The following EYS variants were observed in gnomAD, a reference collection of about 807,000 sequenced individuals.
The protein encoded by EYS is EGF-like photoreceptor maintenance factor, also known as protein eyes shut homolog.
A neutral mutation model predicts 282.1 loss-of-function variants in EYS; 250 were observed. The ratio of observed to expected loss-of-function variants is 0.89; its 90% CI spans 0.80 to 0.98. The LOEUF is 0.98. Ranked by LOEUF, EYS falls within the 50% of genes least tolerant of loss-of-function variation. The pLI is 0.00. For synonymous variants in EYS, 1,355 were observed against 1,282.9 expected, an observed-to-expected ratio of 1.06 and a Z score of -1.20; for missense variants, 4,016 against 3,709.0, an observed-to-expected ratio of 1.08 and a Z score of -2.15.
At chr6:64,902,248 A>G (rs1041535789) in intron 17 of EYS, 28 bp from the exon 18 acceptor site, 3 of 1,450,656 alleles carry the variant, frequency 2.1e-6, no homozygotes, top group African/African-American at 1.4e-5. Flanking sequence ...TAGTAACTCC[A>G]TTAGTATATA....
intron 1 of EYS, among the ~76,000 whole-genome samples, chr6:65,700,052 T>A (rs1769608764): frequency 7.2e-6 from 1 of 138,830 alleles, no homozygotes; most frequent in Non-Finnish European, 1.5e-5. Flanking sequence ...GAGGCAGAGC[T>A]TGCAGTGAGC....
At chr6:63,997,883 AG>A (rs1468750497) in intron 34 of EYS, among the ~76,000 whole-genome samples, 1 of 152,204 alleles carries the variant, frequency 6.6e-6, no homozygotes, top group Non-Finnish European at 1.5e-5. Flanking sequence ...GGCAACTATA[AG>A]GAGTTAATAA....
chr6:65,703,233 A>C (rs77751394), intron 1 of EYS, among the ~76,000 whole-genome samples: 2,201 of 152,166 alleles, frequency 0.014, 46 homozygotes, highest in East Asian at 0.053. Context: ...TACTCTCTCT[A>C]TATATATGTA....
chr6:64,668,345 T>A (rs988065462), intron 22 of EYS, among the ~76,000 whole-genome samples: 5 of 152,102 alleles, frequency 3.3e-5, no homozygotes, highest in Admixed American at 3.3e-4. Flanking sequence ...AAGTGCGAAT[T>A]ACCTTCAAAA....
intron 30 of EYS, among the ~76,000 whole-genome samples, chr6:64,253,557 C>T (rs1767290992): frequency 1.3e-5 from 2 of 152,166 alleles, no homozygotes; most frequent in Non-Finnish European, 2.9e-5. Flanking sequence ...AGTTTCTTTG[C>T]TGTGTCCAGA....
chr6:65,459,421 T>G (rs1764738220), intron 5 of EYS, among the ~76,000 whole-genome samples: 1 of 152,078 alleles, frequency 6.6e-6, no homozygotes, highest in Non-Finnish European at 1.5e-5. Flanking sequence ...GAGAACATTA[T>G]AGTTTAAGTG....
chr6:64,876,030 A>C (rs2096841977), intron 19 of EYS, among the ~76,000 whole-genome samples: 1 of 151,978 alleles, frequency 6.6e-6, no homozygotes, highest in South Asian at 2.1e-4. Flanking sequence ...ATTGGTTTCA[A>C]TTTAGAAAGA....
intron 29 of EYS, among the ~76,000 whole-genome samples, chr6:64,382,472 T>G (rs1042299672): frequency 6.6e-6 from 1 of 152,206 alleles, no homozygotes; most frequent in Non-Finnish European, 1.5e-5. Context: ...CACCTCCATT[T>G]AGTTGCTTAA....
At chr6:63,829,920 G>A (rs565725810) in intron 36 of EYS, among the ~76,000 whole-genome samples, 2 of 152,290 alleles carry the variant, frequency 1.3e-5, no homozygotes, top group East Asian at 3.9e-4. Context: ...TTGCTGTTCT[G>A]CAGCCTCTGC....
chr6:65,295,043 T>G (rs1768624082), intron 12 of EYS, among the ~76,000 whole-genome samples: 1 of 151,912 alleles, frequency 6.6e-6, no homozygotes, highest in African/African-American at 2.4e-5. Context: ...ACATATTACT[T>G]TAAATACCAA....
At position 65,353,460 on chromosome 6, in the gene EYS, G is replaced by A. The variant is rs868098699; in HGVS notation, c.1457C>T (p.Ala486Val). The change falls in exon 9 of 43, where the codon GCA (alanine) becomes GTA (valine). Residue 486 changes from alanine to valine, a missense_variant and splice_region_variant. Transcript: ENST00000503581. Reference sequence around the variant, plus strand: ...AAAAAATTACATAAATTTGTTACCTGCAAATCCCAATTGCCACACATATTC... The same window carrying A: ...AAAAAATTACATAAATTTGTTACCTACAAATCCCAATTGCCACACATATTC... ...QFEYVWQLGFAGSEGEKCQGV... is the reference protein window; with the variant it reads ...QFEYVWQLGFVGSEGEKCQGV... The A allele has an allele frequency of 6.2e-7, 1 of 1,612,640 alleles. No homozygotes were observed. The highest frequency in any genetic ancestry group is 1.1e-5 in the South Asian group (1 of 91,026).
intron 14 of EYS, among the ~76,000 whole-genome samples, chr6:64,964,293 C>T (rs1472651910): frequency 6.6e-6 from 1 of 152,052 alleles, no homozygotes; most frequent in Non-Finnish European, 1.5e-5. Flanking sequence ...ATCTGTCTGA[C>T]TTCCTTCCCT....
intron 2 of EYS, among the ~76,000 whole-genome samples, chr6:65,604,842 C>CT (rs10583844): frequency 0.2 from 26,545 of 129,992 alleles, 3,163 homozygotes; most frequent in East Asian, 0.51. Flanking sequence ...TCACTGCCCC[C>CT]TTTTTTTTTT....
At chr6:65,475,784 C>CAG (rs368165713) in intron 5 of EYS, among the ~76,000 whole-genome samples, 29 of 148,592 alleles carry the variant, frequency 2.0e-4, no homozygotes, top group East Asian at 1.6e-3. Flanking sequence ...CACACAGAGA[C>CAG]AGAGAGAGAG....
chr6:63,752,637 C>T lies in EYS; in HGVS notation c.8071+9824G>A, dbSNP rs770887883. Among the ~76,000 whole-genome samples the T allele has an allele frequency of 5.4e-4, 82 of 151,988 alleles. No individual in the cohort carries two copies. In the Middle Eastern group the frequency reaches 0.01, roughly 19 times the overall value. ...CCTCCCCAGCAGCTGGGACTACAGG[C>T]ACCCACCACCATGCCTGGCTAATTT... On this transcript the variant is annotated intron_variant, in intron 41 of 42. Transcript: ENST00000503581.
Position 65,278,031 on chromosome 6 carries a change from C to CCTTTTCCTTTTCTTTT in EYS, c.2023+17831_2023+17832insAAAAGAAAAGGAAAAG, listed in dbSNP as rs1554177421. On this transcript the variant is annotated intron_variant, in intron 12 of 42. Transcript: ENST00000503581. ...ACACCAGGTTGTTTTCTTTTCTTTT[C>CCTTTTCCTTTTCTTTT]CTTTTCTTTTCTTTTCTTTTCTTTT... Among the ~76,000 whole-genome samples the CCTTTTCCTTTTCTTTT allele has an allele frequency of 7.3e-4, 79 of 107,500 alleles. 1 individual carries two copies. Among genetic ancestry groups the CCTTTTCCTTTTCTTTT allele is most frequent in the Non-Finnish European group, 1.2e-3 (64 of 51,938 alleles). 70.5% of individuals were successfully genotyped at this position (107,500 alleles called of 152,430 possible). A position where few individuals can be genotyped will look rare whatever the true frequency, so the allele number is the denominator to read the frequency against.
intron 34 of EYS, among the ~76,000 whole-genome samples, chr6:63,997,479 A>C (rs1767887385): frequency 6.6e-6 from 1 of 152,328 alleles, no homozygotes; most frequent in Non-Finnish European, 1.5e-5. Context: ...GGCTGAACTT[A>C]AGGAGGCAGA....
At chr6:65,056,936 A>T (rs13202667) in intron 13 of EYS, among the ~76,000 whole-genome samples, 41,995 of 151,856 alleles carry the variant, frequency 0.28, 6,526 homozygotes, top group Non-Finnish European at 0.35. Flanking sequence ...AAGTGAGGCA[A>T]ACAATCTTAC....
chr6:65,381,892 T>C (rs1284465086), intron 8 of EYS, among the ~76,000 whole-genome samples: 2 of 152,032 alleles, frequency 1.3e-5, no homozygotes, highest in African/African-American at 2.4e-5. Context: ...TTTTAAGTTT[T>C]AAGGTCTGTT....
Sources: allele counts gnomAD v4.1 joint callset (sites outside exome capture counted in the v4.1 genomes callset), GRCh38; gene constraint gnomAD v4.1.1; transcripts MANE v1.5; gene names NCBI Gene and HGNC (gene_info 2026-07-23, HGNC 2026-07-21).